MAGI2: variants seen among roughly 807,000 people sequenced by gnomAD.
MAGI2 encodes the protein membrane associated guanylate kinase, WW and PDZ domain containing 2.
MAGI2 carries 35 observed loss-of-function variants against 133.3 expected under a neutral mutation model. The ratio of observed to expected loss-of-function variants is 0.26; its 90% CI spans 0.20 to 0.35. The LOEUF (loss-of-function observed/expected upper bound fraction) is 0.35, where lower values mean the gene tolerates loss of function less well. Ranked by LOEUF, MAGI2 falls within the 10% of genes least tolerant of loss-of-function variation. The probability of loss-of-function intolerance (pLI) is 1.00; values close to 1 mark genes in which losing one functional copy is unlikely to be tolerated. For missense variants in MAGI2, 1,636 were observed against 1,863.4 expected (o/e 0.88, Z 2.25); for synonymous variants, 729 against 710.6 (o/e 1.03, Z -0.41).
intron 2 of MAGI2, chr7:78,771,067 C>T (rs1825540075): frequency 6.6e-6 from 1 of 152,178 alleles, no homozygotes; most frequent in Non-Finnish European, 1.5e-5. Flanking sequence ...ACAAAACTGC[C>T]GCTGAGCTCT....
At chr7:78,663,324 A>G (rs1475230325) in intron 2 of MAGI2, among the ~76,000 whole-genome samples, 1 of 149,618 alleles carries the variant, frequency 6.7e-6, no homozygotes, top group African/African-American at 2.5e-5. Context: ...TTCCTGCCTC[A>G]GCCTCCTAAG....
chr7:78,977,507 GAAAGAAAGAAAGAAAGAA>G (rs1400963259), intron 2 of MAGI2, among the ~76,000 whole-genome samples: 8 of 34,130 alleles, frequency 2.3e-4, no homozygotes, highest in African/African-American at 6.3e-4. Context: ...AAGAAAGAAA[GAAAGAAAGAAAGAAAGAA>G]AGAGCAAAGA....
Position 78,659,758 on chromosome 7 carries a change from T to C in MAGI2, c.419-32519A>G, listed in dbSNP as rs149034437. Among the ~76,000 whole-genome samples the C allele has an allele frequency of 2.7e-3, 416 of 152,274 alleles. 3 individuals are homozygous for C. The highest frequency in any genetic ancestry group is 0.014 in the Middle Eastern group (4 of 294). On this transcript the variant is annotated intron_variant, in intron 2 of 21. Transcript: ENST00000354212. ...ATATCTTGGTTGTGATATTGTACTA[T>C]TGTTTTGCAAGATGTTATCTTTGTG...
intron 1 of MAGI2, among the ~76,000 whole-genome samples, chr7:79,300,602 G>A (rs1426151712): frequency 1.3e-5 from 2 of 152,122 alleles, no homozygotes; most frequent in Non-Finnish European, 2.9e-5. Context: ...CATAAAAATT[G>A]GGAAAATTTG....
At chr7:78,910,200 A>T (rs2151612739) in intron 2 of MAGI2, among the ~76,000 whole-genome samples, 1 of 151,756 alleles carries the variant, frequency 6.6e-6, no homozygotes, top group Non-Finnish European at 1.5e-5. Context: ...CCACCATGGC[A>T]CACGTAGACC....
At chr7:78,445,326 T>C (rs1344677783) in intron 6 of MAGI2, among the ~76,000 whole-genome samples, 1 of 152,094 alleles carries the variant, frequency 6.6e-6, no homozygotes, top group African/African-American at 2.4e-5. Context: ...TCACACAATG[T>C]TGAAATCAAC....
intron 1 of MAGI2, among the ~76,000 whole-genome samples, chr7:79,017,847 T>A (rs1029493101): frequency 2.0e-5 from 3 of 152,218 alleles, no homozygotes; most frequent in East Asian, 1.9e-4. Flanking sequence ...GCTTGAAGAC[T>A]GGCTCTCCAA....
intron 1 of MAGI2, among the ~76,000 whole-genome samples, chr7:79,179,207 C>A (rs1826391669): frequency 6.6e-6 from 1 of 151,788 alleles, no homozygotes; most frequent in Admixed American, 6.6e-5. Context: ...CTGAAAACAC[C>A]TATTTTTTCC....
chr7:78,367,528 C>T (rs750706104), intron 7 of MAGI2, among the ~76,000 whole-genome samples: 1 of 152,202 alleles, frequency 6.6e-6, no homozygotes, highest in Non-Finnish European at 1.5e-5. Context: ...CAAGCTACAA[C>T]AGCAGAGCTA....
chr7:78,030,477 G>A (rs1045121064), intron 21 of MAGI2, among the ~76,000 whole-genome samples: 2 of 152,078 alleles, frequency 1.3e-5, no homozygotes, highest in Admixed American at 1.3e-4. Flanking sequence ...GGATGGTCTT[G>A]ATCTCTTGAC....
intron 15 of MAGI2, among the ~76,000 whole-genome samples, chr7:78,167,255 A>G (rs740028): frequency 0.11 from 17,138 of 152,244 alleles, 981 homozygotes; most frequent in East Asian, 0.18. Flanking sequence ...ATAATTTTTT[A>G]TAGGGTTGAT....
chr7:78,859,020 C>A (rs552085780), intron 2 of MAGI2, among the ~76,000 whole-genome samples: 19 of 151,636 alleles, frequency 1.3e-4, no homozygotes, highest in African/African-American at 4.4e-4. Context: ...TTGATCTTTG[C>A]GGGTTTAGAG....
chr7:78,982,913 T>C (rs1804916761), intron 2 of MAGI2, among the ~76,000 whole-genome samples: 2 of 151,914 alleles, frequency 1.3e-5, no homozygotes, highest in Admixed American at 1.3e-4. Flanking sequence ...AATATGATTA[T>C]AGGACAGGGT....
intron 2 of MAGI2, among the ~76,000 whole-genome samples, chr7:78,898,733 T>C (rs763762614): frequency 2.7e-4 from 41 of 151,720 alleles, no homozygotes; most frequent in Admixed American, 1.5e-3. Context: ...GATGAAATAA[T>C]TTGTCATCAC....
At chr7:78,349,402 T>G (rs1369202061) in intron 7 of MAGI2, among the ~76,000 whole-genome samples, 1 of 152,220 alleles carries the variant, frequency 6.6e-6, no homozygotes, top group Non-Finnish European at 1.5e-5. Context: ...TGCTAGGTCA[T>G]TGTTCGTCAT....
At chr7:78,617,522 A>G (rs1161458042) in intron 3 of MAGI2, 3 of 152,094 alleles carry the variant, frequency 2.0e-5, no homozygotes, top group Non-Finnish European at 4.4e-5. Flanking sequence ...GTCTAGTGTT[A>G]TGAATGATTT....
At chr7:78,720,116 A>C (rs753221138) in intron 2 of MAGI2, among the ~76,000 whole-genome samples, 23 of 152,174 alleles carry the variant, frequency 1.5e-4, no homozygotes, top group Non-Finnish European at 2.9e-4. Context: ...TTCTTTTGTA[A>C]ATATGTCAAA....
intron 16 of MAGI2, among the ~76,000 whole-genome samples, chr7:78,152,451 A>G (rs1001001943): frequency 3.9e-5 from 6 of 152,236 alleles, no homozygotes; most frequent in Non-Finnish European, 7.3e-5. Flanking sequence ...GACTTGGTAC[A>G]GGAGGACTGG....
chr7:78,173,803 A>T (rs1256348837), intron 14 of MAGI2, among the ~76,000 whole-genome samples: 1 of 152,182 alleles, frequency 6.6e-6, no homozygotes, highest in African/African-American at 2.4e-5. Flanking sequence ...TAGCACAGGC[A>T]TACAGGAGTT....
Sources: allele counts gnomAD v4.1 joint callset (sites outside exome capture counted in the v4.1 genomes callset), GRCh38; gene constraint gnomAD v4.1.1; transcripts MANE v1.5; gene names NCBI Gene and HGNC (gene_info 2026-07-23, HGNC 2026-07-21).